KIZ: variants seen among roughly 807,000 people sequenced by gnomAD.
The protein encoded by KIZ is centrosomal protein kizuna.
KIZ carries 68 observed loss-of-function variants against 79.6 expected under a neutral mutation model. The ratio of observed to expected loss-of-function variants is 0.85; its 90% CI spans 0.70 to 1.05. The LOEUF (loss-of-function observed/expected upper bound fraction) is 1.05. Among genes scored for constraint, KIZ ranks in the 50% least tolerant of loss-of-function variants. KIZ has a pLI of 0.00. For synonymous variants in KIZ, 280 were observed against 281.8 expected (o/e 0.99, Z 0.06); for missense variants, 797 against 800.4 (o/e 1.00, Z 0.05).
intron 6 of KIZ, among the ~76,000 whole-genome samples, chr20:21,175,561 G>C (rs1365396823): frequency 1.3e-5 from 2 of 152,114 alleles, no homozygotes; most frequent in Admixed American, 1.3e-4. Flanking sequence ...ACTTGGTGAA[G>C]GTCACAGCCC....
intron 6 of KIZ, among the ~76,000 whole-genome samples, chr20:21,175,745 C>T (rs917278734): frequency 6.6e-6 from 1 of 152,184 alleles, no homozygotes; most frequent in Non-Finnish European, 1.5e-5. Flanking sequence ...CATGGTGGCT[C>T]ACTCATGCCT....
intron 4 of KIZ, among the ~76,000 whole-genome samples, chr20:21,158,040 C>T (rs1364853290): frequency 6.6e-6 from 1 of 152,178 alleles, no homozygotes; most frequent in East Asian, 1.9e-4. Context: ...TAGCCCATCC[C>T]TTAGAGCCAT....
At chr20:21,126,047 G>T (rs1308661170), upstream of KIZ, 5 of 1,410,402 alleles carry the variant, frequency 3.5e-6, no homozygotes, top group Non-Finnish European at 4.6e-6. Flanking sequence ...ATGGTGGGGC[G>T]GTCTCCTTCG....
chr20:21,237,042 C>A (rs2037036221), intron 11 of KIZ, among the ~76,000 whole-genome samples: 1 of 151,470 alleles, frequency 6.6e-6, no homozygotes, highest in African/African-American at 2.4e-5. Flanking sequence ...TGGCTCACAC[C>A]TGTAATCCCA....
chr20:21,197,717 C>T (rs1024188190), intron 6 of KIZ: 1 of 152,228 alleles, frequency 6.6e-6, no homozygotes, highest in African/African-American at 2.4e-5. Context: ...ATAGTTGCTG[C>T]ATTTTAATGT....
intron 4 of KIZ, among the ~76,000 whole-genome samples, chr20:21,156,218 A>T (rs118098710): frequency 0.014 from 2,121 of 152,318 alleles, 17 homozygotes; most frequent in Non-Finnish European, 0.02. Context: ...AATCTAGGAA[A>T]CCAACACAGA....
chr20:21,128,091 C>T (rs1322328607), intron 1 of KIZ, among the ~76,000 whole-genome samples: 1 of 152,216 alleles, frequency 6.6e-6, no homozygotes, highest in Non-Finnish European at 1.5e-5. Flanking sequence ...CAGCTCACTG[C>T]AACCCCCACC....
intron 3 of KIZ, chr20:21,144,204 A>G (rs2032725734): frequency 6.6e-6 from 1 of 152,226 alleles, no homozygotes; most frequent in African/African-American, 2.4e-5. Context: ...TATGGCTCTG[A>G]AATGATCCTA....
chr20:21,184,276 T>C (rs2122951595), intron 6 of KIZ, among the ~76,000 whole-genome samples: 1 of 151,890 alleles, frequency 6.6e-6, no homozygotes, highest in Admixed American at 6.6e-5. Flanking sequence ...GCCTCCCAAG[T>C]AGAGCTGGGA....
chr20:21,226,939 G>A (rs1373802493), intron 9 of KIZ, among the ~76,000 whole-genome samples: 3 of 152,178 alleles, frequency 2.0e-5, no homozygotes, highest in South Asian at 4.1e-4. Flanking sequence ...GGGCAGGAGA[G>A]TGAGCCATCT....
intron 6 of KIZ, chr20:21,197,438 G>C (rs1482742092): frequency 6.6e-6 from 1 of 152,194 alleles, no homozygotes; most frequent in Non-Finnish European, 1.5e-5. Flanking sequence ...TTTCTTAGCA[G>C]TGACAATTTA....
intron 6 of KIZ, among the ~76,000 whole-genome samples, chr20:21,190,051 C>G (rs62217862): frequency 0.051 from 7,790 of 152,290 alleles, 306 homozygotes; most frequent in Non-Finnish European, 0.075. Context: ...GTGTGGCAAA[C>G]AAAACCCTGT....
At chr20:21,242,245 G>GCTCCAGCAGGACAGCACGACA (rs2037242875) in intron 11 of KIZ, among the ~76,000 whole-genome samples, 1 of 152,210 alleles carries the variant, frequency 6.6e-6, no homozygotes, top group Non-Finnish European at 1.5e-5. Flanking sequence ...AAGTGGGAAG[G>GCTCCAGCAGGACAGCACGACA]CTCCAGCAGG....
At chr20:21,194,387 G>C (rs943684609) in intron 6 of KIZ, 1 of 152,062 alleles carries the variant, frequency 6.6e-6, no homozygotes, top group African/African-American at 2.4e-5. Context: ...AAGGAATTGA[G>C]GTCTTGAGTT....
At position 21,163,222 on chromosome 20, in the gene KIZ, A is replaced by T; in HGVS notation, c.1352+63A>T. ...TTAATTGTAGACATTTCTAGAGACC[A>T]TTCCACTGGGAATGTATTATCGAGC... On this transcript the variant is annotated intron_variant, in intron 6 of 12. Transcript: ENST00000619189. 7 of 1,102,836 alleles carry T rather than the reference A, an allele frequency of 6.3e-6. No individual in the cohort carries two copies. The South Asian group carries it at 7.5e-5, about 12-fold the overall frequency. 68.3% of individuals were successfully genotyped at this position (1,102,836 alleles called of 1,614,324 possible). A position where few individuals can be genotyped will look rare whatever the true frequency, so the allele number is the denominator to read the frequency against.
intron 6 of KIZ, among the ~76,000 whole-genome samples, chr20:21,171,621 T>A (rs2034209364): frequency 6.6e-6 from 1 of 152,114 alleles, no homozygotes; most frequent in Non-Finnish European, 1.5e-5. Context: ...AATTTTGTAT[T>A]TTTAGTAGAG....
At chr20:21,153,587 A>G (rs763949816) in intron 4 of KIZ, among the ~76,000 whole-genome samples, 4 of 152,182 alleles carry the variant, frequency 2.6e-5, no homozygotes, top group Non-Finnish European at 4.4e-5. Context: ...TCACAATGGC[A>G]TACTGTATTA....
chr20:21,213,063 G>T (rs1329650368), intron 7 of KIZ, among the ~76,000 whole-genome samples: 1 of 152,202 alleles, frequency 6.6e-6, no homozygotes, highest in African/African-American at 2.4e-5. Context: ...TGGCCAAGGG[G>T]ACTAGAACTC....
intron 6 of KIZ, among the ~76,000 whole-genome samples, chr20:21,166,885 G>A (rs2122745897): frequency 6.6e-6 from 1 of 152,302 alleles, no homozygotes; most frequent in East Asian, 1.9e-4. Context: ...GAGCCACCAC[G>A]CCCAGCCTGA....
Sources: allele counts gnomAD v4.1 joint callset (sites outside exome capture counted in the v4.1 genomes callset), GRCh38; gene constraint gnomAD v4.1.1; transcripts MANE v1.5; gene names NCBI Gene and HGNC (gene_info 2026-07-23, HGNC 2026-07-21).